Variants in FYB1 observed in about 807,000 individuals in gnomAD.
The protein encoded by FYB1 is FYN-binding protein 1.
A neutral mutation model predicts 94.1 loss-of-function variants in FYB1; 41 were observed. The observed-to-expected ratio is 0.44, with a 90% CI of 0.34 to 0.57. The LOEUF is 0.57. Ranked by LOEUF, FYB1 falls within the 20% of genes least tolerant of loss-of-function variation. The probability of loss-of-function intolerance (pLI) is 0.02; values close to 1 mark genes in which losing one functional copy is unlikely to be tolerated. For missense variants in FYB1, 1,050 were observed against 976.8 expected, an observed-to-expected ratio of 1.07 and a Z score of -1.00; for synonymous variants, 367 against 353.2, an observed-to-expected ratio of 1.04 and a Z score of -0.44.
intron 13 of FYB1, among the ~76,000 whole-genome samples, chr5:39,123,530 C>G (rs1165605464): frequency 6.6e-6 from 1 of 152,066 alleles, no homozygotes; most frequent in Non-Finnish European, 1.5e-5. Context: ...AGCTTATTAT[C>G]AGGCACTGAT....
intron 1 of FYB1, among the ~76,000 whole-genome samples, chr5:39,273,934 T>C (rs1312605650): frequency 6.6e-6 from 1 of 152,124 alleles, no homozygotes; most frequent in Non-Finnish European, 1.5e-5. Context: ...GCTTTTTTTT[T>C]TTCTTTTTGA....
chr5:39,201,333 C>G (rs1297953163), intron 2 of FYB1, among the ~76,000 whole-genome samples: 3 of 152,148 alleles, frequency 2.0e-5, no homozygotes, highest in East Asian at 1.9e-4. Context: ...AGCTTCTACT[C>G]ACTAGAGGCC....
intron 2 of FYB1, among the ~76,000 whole-genome samples, chr5:39,166,021 G>A (rs370847330): frequency 4.6e-5 from 7 of 152,192 alleles, no homozygotes; most frequent in Admixed American, 1.3e-4. Context: ...CTTATACACC[G>A]TTGGTGGGAA....
At position 39,233,273 on chromosome 5, in the gene FYB1, G is replaced by C. The variant is rs114105266; in HGVS notation, c.-27-30286C>G. Among the ~76,000 whole-genome samples the C allele has an allele frequency of 6.9e-3, 1,054 of 152,254 alleles. 9 individuals carry two copies. The highest frequency in any genetic ancestry group is 0.023 in the African/African-American group (939 of 41,572). On this transcript the variant is annotated intron_variant, in intron 1 of 1. Coordinates refer to the FYB1 transcript ENST00000510188. ...TAGACTTAGATGTAGCCCCCAAAGA[G>C]CTGTGGGTAATTAGTTGACTGGATG... is the stretch of plus-strand genomic sequence containing the variant.
At chr5:39,236,018 G>T (rs1361392181) in intron 1 of FYB1, among the ~76,000 whole-genome samples, 1 of 151,826 alleles carries the variant, frequency 6.6e-6, no homozygotes, top group Non-Finnish European at 1.5e-5. Context: ...GCCACATGTG[G>T]CTTGTGGCTA....
intron 11 of FYB1, among the ~76,000 whole-genome samples, chr5:39,126,724 G>A (rs1471271610): frequency 1.5e-5 from 2 of 136,796 alleles, no homozygotes; most frequent in African/African-American, 3.0e-5. Context: ...AAAAAAGCTT[G>A]GACATCAATT....
chr5:39,162,441 C>T (rs1185788463), intron 2 of FYB1, among the ~76,000 whole-genome samples: 1 of 152,090 alleles, frequency 6.6e-6, no homozygotes, highest in Non-Finnish European at 1.5e-5. Flanking sequence ...AATCCCAGCA[C>T]TTTGGGAGGC....
Position 39,108,252 on chromosome 5 carries a change from T to A in FYB1, c.2446A>T (p.Ile816Phe), listed in dbSNP as rs1190127056. 6 of 1,528,580 alleles carry A rather than the reference T, an allele frequency of 3.9e-6. No homozygotes were observed. The highest frequency in any genetic ancestry group is 5.3e-6 in the Non-Finnish European group (6 of 1,128,978). 94.7% of individuals were successfully genotyped at this position (1,528,580 alleles called of 1,614,324 possible). Reference protein sequence around the residue: ...RSYLADNDGEIYDDIADGCIY... With the variant: ...RSYLADNDGEFYDDIADGCIY... ...TTACCATCAGCAATATCATCATAGA[T>A]CTCTCCATCACTGTAAATGTAAAAA... Residue 816 changes from isoleucine (I) to phenylalanine (F), a missense_variant, in exon 18 of 19, where the codon ATC (isoleucine) becomes TTC (phenylalanine). Physicochemically the swap from Ile to Phe is conservative, Grantham distance 21. Transcript: ENST00000512982.
intron 2 of FYB1, among the ~76,000 whole-genome samples, chr5:39,192,264 A>G (rs1164281396): frequency 6.6e-6 from 1 of 152,212 alleles, no homozygotes; most frequent in Non-Finnish European, 1.5e-5. Flanking sequence ...TTTGTATTTC[A>G]TTAAAATTTC....
At chr5:39,237,881 C>T (rs933785609) in intron 1 of FYB1, among the ~76,000 whole-genome samples, 7 of 152,186 alleles carry the variant, frequency 4.6e-5, no homozygotes, top group East Asian at 1.9e-4. Context: ...TCAGGGAATG[C>T]GGATTAATAG....
intron 1 of FYB1, among the ~76,000 whole-genome samples, chr5:39,254,349 C>T (rs1245398950): frequency 6.6e-6 from 1 of 152,186 alleles, no homozygotes. Context: ...ACAACCTAGC[C>T]AGCATCTGTT....
upstream of FYB1, among the ~76,000 whole-genome samples, chr5:39,223,781 G>A (rs1750364309): frequency 2.0e-5 from 3 of 152,154 alleles, no homozygotes; most frequent in Admixed American, 6.5e-5. Flanking sequence ...GAATTAGAGT[G>A]GGGGTGGGTG....
At chr5:39,225,883 T>A (rs747126282) in intron 1 of FYB1, among the ~76,000 whole-genome samples, 2 of 152,218 alleles carry the variant, frequency 1.3e-5, no homozygotes, top group African/African-American at 2.4e-5. Context: ...CACCAGTGGT[T>A]GGTTCCACTT....
intron 2 of FYB1, among the ~76,000 whole-genome samples, chr5:39,185,420 A>T (rs16868269): frequency 0.016 from 2,452 of 151,528 alleles, 70 homozygotes; most frequent in African/African-American, 0.054. Context: ...TAGATATGTG[A>T]TTAAAAGTTC....
intron 5 of FYB1, 173 bp downstream of exon 5, chr5:39,139,060 G>T: frequency 1.5e-6 from 1 of 674,492 alleles, no homozygotes; most frequent in South Asian, 2.2e-5. Context: ...TCAGTGTGAT[G>T]ACTAGTGTGT....
At chr5:39,119,482 T>C (rs1739882536) in intron 15 of FYB1, 53 bp downstream of exon 15, 1 of 1,287,058 alleles carries the variant, frequency 7.8e-7, no homozygotes. Flanking sequence ...TTAAAAATCA[T>C]TGGATTTTTC....
chr5:39,182,961 A>G (rs1746393619), intron 2 of FYB1, among the ~76,000 whole-genome samples: 1 of 152,216 alleles, frequency 6.6e-6, no homozygotes, highest in African/African-American at 2.4e-5. Context: ...ATTCTAAGCA[A>G]AACTAAGTTG....
intron 1 of FYB1, among the ~76,000 whole-genome samples, chr5:39,225,231 T>G (rs1209734136): frequency 6.6e-6 from 1 of 152,212 alleles, no homozygotes. Flanking sequence ...TATACATGTA[T>G]GTATATATGT....
intron 2 of FYB1, among the ~76,000 whole-genome samples, chr5:39,195,093 G>C (rs1021426665): frequency 1.3e-5 from 2 of 152,126 alleles, no homozygotes; most frequent in African/African-American, 4.8e-5. Flanking sequence ...TGCCTCCAGT[G>C]ATTCAGTGTC....
Sources: allele counts gnomAD v4.1 joint callset (sites outside exome capture counted in the v4.1 genomes callset), GRCh38; gene constraint gnomAD v4.1.1; transcripts MANE v1.5; gene names NCBI Gene and HGNC (gene_info 2026-07-23, HGNC 2026-07-21).